ERBB4: variants seen among roughly 807,000 people sequenced by gnomAD.
ERBB4 encodes receptor tyrosine-protein kinase erbB-4.
Under a neutral mutation model 158.0 loss-of-function variants are expected in ERBB4, and 42 were observed. The ratio of observed to expected loss-of-function variants is 0.27; its 90% CI spans 0.21 to 0.34. ERBB4 has a LOEUF of 0.34. ERBB4 is among the 10% of genes least tolerant of loss of function. The probability of loss-of-function intolerance (pLI) is 1.00; values close to 1 mark genes in which losing one functional copy is unlikely to be tolerated. For synonymous variants in ERBB4, 583 were observed against 558.7 expected, an observed-to-expected ratio of 1.04 and a Z score of -0.61; for missense variants, 1,333 against 1,624.1, an observed-to-expected ratio of 0.82 and a Z score of 3.08.
intron 3 of ERBB4, among the ~76,000 whole-genome samples, chr2:211,867,117 G>A (rs1182795478): frequency 1.4e-5 from 2 of 141,078 alleles, no homozygotes; most frequent in Admixed American, 1.5e-4. Flanking sequence ...CTATCAAAAA[G>A]TATGAAATGT....
In ERBB4 at chr2:212,494,560, A is replaced by AT. The variant is rs773811960; in HGVS notation, c.82+43888dup. Among the ~76,000 whole-genome samples, 20 of 152,038 alleles carry AT rather than the reference A, an allele frequency of 1.3e-4. 1 individual carries two copies. Among genetic ancestry groups the AT allele is most frequent in the Non-Finnish European group, 2.8e-4 (19 of 67,946 alleles). ...ATTAACTCCACCCAGCTATTCATTA[A>AT]TCCCCAGGAAATGCCCAGGTCTACA... On this transcript the variant is annotated intron_variant, in intron 1 of 27. Coordinates refer to ENST00000342788, the MANE Select transcript of ERBB4 (RefSeq NM_005235.3).
At chr2:211,948,788 C>T (rs887844105) in intron 2 of ERBB4, among the ~76,000 whole-genome samples, 1 of 152,060 alleles carries the variant, frequency 6.6e-6, no homozygotes, top group East Asian at 1.9e-4. Flanking sequence ...TTCCCCCCAC[C>T]CTGTCTATTC....
intron 3 of ERBB4, among the ~76,000 whole-genome samples, chr2:211,883,284 C>T (rs1159321483): frequency 6.6e-6 from 1 of 152,036 alleles, no homozygotes; most frequent in East Asian, 1.9e-4. Flanking sequence ...ACATCACACA[C>T]CGGGCCCTGT....
chr2:211,959,711 A>C (rs564474489), intron 2 of ERBB4, among the ~76,000 whole-genome samples: 4 of 152,254 alleles, frequency 2.6e-5, no homozygotes, highest in Admixed American at 2.6e-4. Flanking sequence ...TTGATTTTAA[A>C]TATCTTCTTA....
At chr2:212,229,702 A>T (rs764961284) in intron 1 of ERBB4, among the ~76,000 whole-genome samples, 3 of 152,156 alleles carry the variant, frequency 2.0e-5, no homozygotes, top group Non-Finnish European at 4.4e-5. Context: ...GTGATAAATA[A>T]TGAGGATCTA....
At chr2:212,507,632 G>C (rs1445186553) in intron 1 of ERBB4, among the ~76,000 whole-genome samples, 2 of 152,196 alleles carry the variant, frequency 1.3e-5, no homozygotes, top group Admixed American at 1.3e-4. Context: ...AACAGCTACA[G>C]ATGAGGTAGA....
rs374430686 is a variant in ERBB4 at position 212,332,280 on chromosome 2, G to A, written c.82+206169C>T. Among the ~76,000 whole-genome samples the A allele has an allele frequency of 1.8e-4, 27 of 152,104 alleles. No homozygotes were observed. The South Asian group carries it at 4.6e-3, about 26-fold the overall frequency. On this transcript the variant is annotated intron_variant, in intron 1 of 27. Transcript: ENST00000342788. The stretch of plus-strand genomic sequence containing the variant: ...GGCTCTCATTCTCTCTCCTGACGCC[G>A]CCATGGAAGAAGTGCCTTTTGCCTT...
At chr2:211,777,261 T>A (rs2075903848) in intron 4 of ERBB4, 1 of 152,140 alleles carries the variant, frequency 6.6e-6, no homozygotes, top group African/African-American at 2.4e-5. Context: ...TTTCAAATCT[T>A]CCCATCAACA....
rs139804188 is a variant in ERBB4, at chr2:211,573,981, G to A, written c.2302-11893C>T. ...CAGATACTTTTAATTCATTTGGTAAGTAACATATATATGTAATTGCTAAAT... is the reference window on the plus strand; with the variant it reads ...CAGATACTTTTAATTCATTTGGTAAATAACATATATATGTAATTGCTAAAT... On this transcript the variant is annotated intron_variant, in intron 19 of 27. Transcript: ENST00000342788. Among the ~76,000 whole-genome samples the A allele has an allele frequency of 1.1e-3, 161 of 152,282 alleles. 1 individual carries two copies. Among genetic ancestry groups the A allele is most frequent in the African/African-American group, 3.3e-3 (137 of 41,560 alleles).
At chr2:212,238,017 A>AGC (rs2083942710) in intron 1 of ERBB4, among the ~76,000 whole-genome samples, 1 of 152,180 alleles carries the variant, frequency 6.6e-6, no homozygotes, top group South Asian at 2.1e-4. Context: ...GCTGGGCTCC[A>AGC]TGGGGGTAGG....
chr2:211,383,491 T>C lies in ERBB4; in HGVS notation c.*124A>G. ...GCACATAACTATCATTGCATCTCTG[T>C]ATCTTCCACTGGGAAGTGTCAAAAC... On this transcript the variant is annotated 3_prime_UTR_variant, in exon 28 of 28. Transcript: ENST00000342788. The C allele has an allele frequency of 1.3e-6, 1 of 755,418 alleles. No individual in the cohort carries two copies. The highest frequency in any genetic ancestry group is 2.3e-6 in the Non-Finnish European group (1 of 429,090). The allele number at this position is 755,418 out of a possible 1,614,324, so 46.8% of individuals were successfully genotyped here. A position where few individuals can be genotyped will look rare whatever the true frequency, so the allele number is the denominator to read the frequency against.
At chr2:212,509,705 A>G (rs1378269658) in intron 1 of ERBB4, among the ~76,000 whole-genome samples, 2 of 152,008 alleles carry the variant, frequency 1.3e-5, no homozygotes, top group East Asian at 3.8e-4. Context: ...TTTATGAAGC[A>G]TCTATCACAG....
rs1480034665 is a variant in ERBB4, at chr2:211,383,725, G to A, written c.3817C>T (p.Arg1273Trp). 25 of 1,613,900 alleles carry A rather than the reference G, an allele frequency of 1.5e-5. No individual in the cohort carries two copies. Among genetic ancestry groups the A allele is most frequent in the Admixed American group, 1.7e-5 (1 of 59,988 alleles). The change falls in exon 28 of 28, where the codon CGG becomes TGG. Residue 1273 changes from arginine to tryptophan, a missense_variant. By Grantham distance (101) the Arg-to-Trp change is moderately radical. Transcript: ENST00000342788. ...STKYFYKQNG[R>W]IRPIVAENPE... Reference sequence around the variant, plus strand: ...TTCTCTGCCACAATAGGCCGGATCCGCCCATTCTGTTTATAAAAATATTTT... The same window carrying A: ...TTCTCTGCCACAATAGGCCGGATCCACCCATTCTGTTTATAAAAATATTTT...
chr2:211,876,413 T>G (rs577500429), intron 3 of ERBB4, among the ~76,000 whole-genome samples: 1 of 152,162 alleles, frequency 6.6e-6, no homozygotes, highest in Non-Finnish European at 1.5e-5. Context: ...ATGCGATGTG[T>G]ATTCATACTG....
At chr2:212,428,266 G>A (rs1243197679) in intron 1 of ERBB4, among the ~76,000 whole-genome samples, 1 of 152,122 alleles carries the variant, frequency 6.6e-6, no homozygotes, top group East Asian at 1.9e-4. Flanking sequence ...TATATGTACA[G>A]AGTGGTTGGA....
At chr2:211,531,943 C>T (rs1479103578) in intron 20 of ERBB4, among the ~76,000 whole-genome samples, 1 of 151,880 alleles carries the variant, frequency 6.6e-6, no homozygotes, top group Admixed American at 6.6e-5. Flanking sequence ...TAAAGAAAAT[C>T]TGGTACATAT....
intron 20 of ERBB4, among the ~76,000 whole-genome samples, chr2:211,545,168 A>C (rs2066909930): frequency 6.6e-6 from 1 of 152,126 alleles, no homozygotes; most frequent in South Asian, 2.1e-4. Flanking sequence ...TAGCCATCCA[A>C]AATATTTAAA....
At chr2:211,770,530 A>G in intron 4 of ERBB4, among the ~76,000 whole-genome samples, 1 of 152,182 alleles carries the variant, frequency 6.6e-6, no homozygotes, top group East Asian at 1.9e-4. Context: ...ATAGCATGAT[A>G]TATTTTTTCA....
chr2:212,282,698 A>T (rs979972064), intron 1 of ERBB4, among the ~76,000 whole-genome samples: 5 of 151,874 alleles, frequency 3.3e-5, no homozygotes, highest in African/African-American at 4.8e-5. Context: ...CTTTGCCCCA[A>T]ACCCACTGAA....
Sources: allele counts gnomAD v4.1 joint callset (sites outside exome capture counted in the v4.1 genomes callset), GRCh38; gene constraint gnomAD v4.1.1; transcripts MANE v1.5; gene names NCBI Gene and HGNC (gene_info 2026-07-23, HGNC 2026-07-21).